Variants in TNKS observed in about 807,000 individuals in gnomAD.
The protein encoded by TNKS is tankyrase.
TNKS carries 72 observed loss-of-function variants against 135.8 expected under a neutral mutation model. The ratio of observed to expected loss-of-function variants is 0.53; its 90% CI spans 0.44 to 0.64. The LOEUF (loss-of-function observed/expected upper bound fraction) is 0.64, where lower values mean the gene tolerates loss of function less well. Among genes scored for constraint, TNKS ranks in the 30% least tolerant of loss-of-function variants. The pLI, the probability that TNKS is intolerant of heterozygous loss-of-function variation, is 0.00. For missense variants in TNKS, 1,769 were observed against 1,674.0 expected (o/e 1.06, Z -0.99); for synonymous variants, 849 against 649.3 (o/e 1.31, Z -4.68).
In TNKS at chr8:9,764,871, T is replaced by G. The variant is rs113796674; in HGVS notation, c.3447+81T>G. ...AAATCTAGACAATGAAAAAAGTTTATTAAGTCATATTTTCAAACTGTGAAA... is the reference window on the plus strand; with the variant it reads ...AAATCTAGACAATGAAAAAAGTTTAGTAAGTCATATTTTCAAACTGTGAAA... On this transcript the variant is annotated intron_variant, in intron 23 of 26. Coordinates refer to ENST00000310430, the MANE Select transcript of TNKS (RefSeq NM_003747.3). The G allele has an allele frequency of 4.4e-5, 49 of 1,125,190 alleles. 3 individuals carry two copies. The African/African-American group carries it at 5.0e-4, about 11-fold the overall frequency. The allele number at this position is 1,125,190 out of a possible 1,614,324, so 69.7% of individuals were successfully genotyped here. A position where few individuals can be genotyped will look rare whatever the true frequency, so the allele number is the denominator to read the frequency against.
At chr8:9,722,587 C>T (rs943503129) in intron 12 of TNKS, 36 of 150,562 alleles carry the variant, frequency 2.4e-4, no homozygotes, top group Non-Finnish European at 4.9e-4. Context: ...CTTTGACTTC[C>T]TGTTTTTATG....
chr8:9,777,918 GTTTAT>G lies in TNKS; in HGVS notation c.*1186_*1190del, dbSNP rs771386197. On this transcript the variant is annotated 3_prime_UTR_variant, in exon 27 of 27. Transcript: ENST00000310430. Reference sequence around the variant, plus strand: ...CTTTTTTGTTTACTCCAGATTTGGGGTTTATTTTGAGTGGCATGCTTCAAATAGTT... The same window carrying G: ...CTTTTTTGTTTACTCCAGATTTGGGGTTTGAGTGGCATGCTTCAAATAGTT... 1.1e-4 allele frequency: 17 copies of G among 152,556 alleles called. No individual in the cohort carries two copies. Among genetic ancestry groups the G allele is most frequent in the South Asian group, 4.1e-4 (2 of 4,826 alleles). 9.5% of individuals were successfully genotyped at this position (152,556 alleles called of 1,614,324 possible).
chr8:9,679,914 C>T, intron 3 of TNKS, 37 bp from the exon 4 acceptor site: 1 of 1,576,644 alleles, frequency 6.3e-7, no homozygotes. Flanking sequence ...CTGTCTTCTG[C>T]CAAATGCTAA....
intron 12 of TNKS, among the ~76,000 whole-genome samples, chr8:9,721,822 G>A (rs1001880173): frequency 1.3e-5 from 2 of 152,066 alleles, no homozygotes; most frequent in African/African-American, 4.8e-5. Flanking sequence ...GGGAGGCCGA[G>A]GTGGGCGGAT....
intron 3 of TNKS, among the ~76,000 whole-genome samples, chr8:9,625,651 G>T (rs1231015260): frequency 6.6e-6 from 1 of 152,016 alleles, no homozygotes; most frequent in Non-Finnish European, 1.5e-5. Context: ...TTAACCCACA[G>T]ACTATTTAGA....
At chr8:9,638,209 A>G (rs1467633217) in intron 3 of TNKS, among the ~76,000 whole-genome samples, 1 of 152,214 alleles carries the variant, frequency 6.6e-6, no homozygotes, top group Non-Finnish European at 1.5e-5. Context: ...TCCTGGCTTT[A>G]AGAGATCCTA....
intron 2 of TNKS, among the ~76,000 whole-genome samples, chr8:9,593,803 A>G (rs1245250126): frequency 6.6e-6 from 1 of 152,076 alleles, no homozygotes; most frequent in East Asian, 1.9e-4. Context: ...GGGATTGGGG[A>G]TGGGGGAAAG....
chr8:9,562,992 A>T (rs1435024415), intron 1 of TNKS, among the ~76,000 whole-genome samples: 1 of 152,072 alleles, frequency 6.6e-6, no homozygotes, highest in African/African-American at 2.4e-5. Flanking sequence ...TTCTCAAATT[A>T]TACTTTTTAT....
intron 26 of TNKS, among the ~76,000 whole-genome samples, chr8:9,770,879 A>C (rs1419443485): frequency 6.6e-6 from 1 of 152,156 alleles, no homozygotes; most frequent in Non-Finnish European, 1.5e-5. Context: ...GAAACTCTTA[A>C]GCATATTATA....
At chr8:9,685,545 T>G (rs1802955495) in intron 5 of TNKS, among the ~76,000 whole-genome samples, 1 of 152,198 alleles carries the variant, frequency 6.6e-6, no homozygotes, top group Non-Finnish European at 1.5e-5. Flanking sequence ...AGTGTTCCCC[T>G]TCTCTCCACT....
intron 3 of TNKS, among the ~76,000 whole-genome samples, chr8:9,658,125 C>T (rs1484963997): frequency 8.3e-5 from 9 of 108,404 alleles, no homozygotes; most frequent in Non-Finnish European, 1.5e-4. Context: ...GATGGGATGG[C>T]GGCCGGGCGG....
chr8:9,666,214 C>A (rs1028891760), intron 3 of TNKS, among the ~76,000 whole-genome samples: 1 of 152,076 alleles, frequency 6.6e-6, no homozygotes. Flanking sequence ...CGCTGCCACA[C>A]GTTGAAATGG....
chr8:9,709,413 A>C (rs1390240439), intron 9 of TNKS, among the ~76,000 whole-genome samples: 2 of 152,198 alleles, frequency 1.3e-5, no homozygotes, highest in Non-Finnish European at 2.9e-5. Flanking sequence ...TACGAATATT[A>C]AAATGAAGCA....
chr8:9,720,144 A>G (rs1457465408), intron 11 of TNKS, among the ~76,000 whole-genome samples: 1 of 152,188 alleles, frequency 6.6e-6, no homozygotes, highest in Non-Finnish European at 1.5e-5. Flanking sequence ...GAAAATGGTC[A>G]TTCCGGGAAG....
intron 3 of TNKS, among the ~76,000 whole-genome samples, chr8:9,644,965 A>G (rs988383617): frequency 1.3e-5 from 2 of 152,142 alleles, no homozygotes; most frequent in Admixed American, 1.3e-4. Context: ...AAGTCTTCTG[A>G]GCATGTAAAG....
intron 3 of TNKS, among the ~76,000 whole-genome samples, chr8:9,643,278 A>G (rs1358234325): frequency 1.4e-5 from 2 of 145,906 alleles, no homozygotes; most frequent in Non-Finnish European, 3.0e-5. Flanking sequence ...TATTTTTTTC[A>G]GTTCTAGAAG....
intron 6 of TNKS, among the ~76,000 whole-genome samples, chr8:9,705,216 T>TGA (rs1332908813): frequency 6.6e-6 from 1 of 152,164 alleles, no homozygotes; most frequent in Non-Finnish European, 1.5e-5. Flanking sequence ...AAGGTTGATG[T>TGA]GAGGGGATAT....
At position 9,752,576 on chromosome 8, in the gene TNKS, C is replaced by T. The variant is rs776393461; in HGVS notation, c.3103C>T (p.Leu1035=). The T allele has an allele frequency of 1.2e-6, 2 of 1,613,166 alleles. No homozygotes were observed. The highest frequency in any genetic ancestry group is 1.1e-5 in the South Asian group (1 of 91,020). ...TCTTGACATGAATATCAGCCAATTTCTAAAAAGCCTTGGCCTTGAACACCT... is the reference window on the plus strand; with the variant it reads ...TCTTGACATGAATATCAGCCAATTTTTAAAAAGCCTTGGCCTTGAACACCT... ...AGLDMNISQF[L]KSLGLEHLRD... is the part of the protein sequence containing the mutation. The change falls in exon 20 of 27, where the codon CTA becomes TTA. Residue 1035 remains leucine (L), a synonymous_variant. Coordinates refer to ENST00000310430, the MANE Select transcript of TNKS (RefSeq NM_003747.3).
At chr8:9,649,764 G>C (rs1801068190) in intron 3 of TNKS, among the ~76,000 whole-genome samples, 1 of 151,400 alleles carries the variant, frequency 6.6e-6, no homozygotes, top group Admixed American at 6.6e-5. Context: ...TAGAATAATG[G>C]TCTCCAGTTC....
Sources: allele counts gnomAD v4.1 joint callset (sites outside exome capture counted in the v4.1 genomes callset), GRCh38; gene constraint gnomAD v4.1.1; transcripts MANE v1.5; gene names NCBI Gene and HGNC (gene_info 2026-07-23, HGNC 2026-07-21).